The following SLC1A7 variants were observed in gnomAD, a reference collection of about 807,000 sequenced individuals.
SLC1A7 encodes the protein excitatory amino acid transporter 5.
Under a neutral mutation model 47.7 loss-of-function variants are expected in SLC1A7, and 40 were observed. The ratio of observed to expected loss-of-function variants is 0.84; its 90% CI spans 0.65 to 1.09. SLC1A7 has a LOEUF of 1.09. SLC1A7 is among the 50% of genes least tolerant of loss of function. The pLI is 0.00. For synonymous variants in SLC1A7, 323 were observed against 325.6 expected, an observed-to-expected ratio of 0.99 and a Z score of 0.09; for missense variants, 746 against 769.5, an observed-to-expected ratio of 0.97 and a Z score of 0.36.
chr1:53,093,319 C>T (rs1572295641), intron 6 of SLC1A7, 142 bp downstream of exon 6: 7 of 682,166 alleles, frequency 1.0e-5, no homozygotes, highest in Non-Finnish European at 1.7e-5. Flanking sequence ...CATGGAAACA[C>T]ATGTAGCTCC....
intron 5 of SLC1A7, 24 bp downstream of exon 5, chr1:53,103,318 CACTG>C: frequency 6.5e-7 from 1 of 1,529,754 alleles, no homozygotes; most frequent in Non-Finnish European, 8.9e-7. Flanking sequence ...GGCTCCACGG[CACTG>C]CTGGGCAGGT....
At chr1:53,098,929 C>A (rs1211414520) in intron 5 of SLC1A7, among the ~76,000 whole-genome samples, 1 of 151,098 alleles carries the variant, frequency 6.6e-6, no homozygotes, top group East Asian at 2.0e-4. Context: ...CCTCATTACA[C>A]TCACACTGCC....
At chr1:53,104,827 T>A (rs574356068) in intron 4 of SLC1A7, among the ~76,000 whole-genome samples, 26 of 152,188 alleles carry the variant, frequency 1.7e-4, no homozygotes, top group South Asian at 1.5e-3. Context: ...CAGCTGACAG[T>A]TTAGAAAGGG....
chr1:53,096,640 C>T lies in SLC1A7; in HGVS notation c.698-3080G>A, dbSNP rs116871597. 7.3e-4 allele frequency among the ~76,000 whole-genome samples: 110 copies of T among 150,936 alleles called. 1 individual carries two copies. In the East Asian group the frequency reaches 8.1e-3, roughly 11 times the overall value. Reference sequence around the variant, plus strand: ...CACCACTTCAGTACACATACCACTTCGGTACACTCACACATCCACACACAC... The same window carrying T: ...CACCACTTCAGTACACATACCACTTTGGTACACTCACACATCCACACACAC... On this transcript the variant is annotated intron_variant, in intron 5 of 10. Transcript: ENST00000371494.
intron 3 of SLC1A7, among the ~76,000 whole-genome samples, chr1:53,106,654 A>G (rs1644645934): frequency 6.6e-6 from 1 of 151,948 alleles, no homozygotes; most frequent in African/African-American, 2.4e-5. Context: ...CAGTCGATGG[A>G]AAAGTCCATG....
intron 8 of SLC1A7, 165 bp downstream of exon 8, chr1:53,090,447 T>C: frequency 1.8e-6 from 2 of 1,141,590 alleles, no homozygotes; most frequent in East Asian, 2.7e-5. Context: ...ATGCCCTCCC[T>C]CCCGGGCTGT....
intron 1 of SLC1A7, among the ~76,000 whole-genome samples, chr1:53,141,159 A>G (rs1457371136): frequency 6.6e-6 from 1 of 152,088 alleles, no homozygotes; most frequent in African/African-American, 2.4e-5. Flanking sequence ...AGCTGTAGCA[A>G]AAGTCCTGCC....
At chr1:53,126,781 G>T (rs577529922) in intron 2 of SLC1A7, among the ~76,000 whole-genome samples, 15 of 152,324 alleles carry the variant, frequency 9.8e-5, no homozygotes, top group Admixed American at 2.6e-4. Flanking sequence ...TTGTAGAGAA[G>T]AAATCACAGT....
intron 7 of SLC1A7, among the ~76,000 whole-genome samples, chr1:53,091,356 G>T (rs994702153): frequency 6.6e-6 from 1 of 152,184 alleles, no homozygotes; most frequent in Non-Finnish European, 1.5e-5. Context: ...GGCCGGTGTG[G>T]CCCCTGTGTC....
In SLC1A7 at chr1:53,088,219, C is replaced by A. The variant is rs747103288; in HGVS notation, c.1473G>T (p.Leu491=). Residue 491 remains leucine, a synonymous_variant, in exon 11 of 11, where the codon CTG becomes CTT. Coordinates refer to ENST00000371494, the MANE Select transcript of SLC1A7 (RefSeq NM_006671.6). ...FARDTGTEKL[L]PCETKPVSLQ... Reference sequence around the variant, plus strand: ...GGCTCACTGGCTTGGTCTCGCAGGGCAGCAGTTTCTGGTGAAGGGAAACAG... The same window carrying A: ...GGCTCACTGGCTTGGTCTCGCAGGGAAGCAGTTTCTGGTGAAGGGAAACAG... 7.5e-6 allele frequency: 12 copies of A among 1,606,730 alleles called. No individual in the cohort carries two copies. The highest frequency in any genetic ancestry group is 9.4e-6 in the Non-Finnish European group (11 of 1,176,020).
chr1:53,092,837 C>G lies in SLC1A7; in HGVS notation c.798-50G>C, dbSNP rs752518199. ...TCAGGAACCAGGCAGGCAGACACAC[C>G]CCGGCCCCAGCCCCGCATCGCTGCG... On this transcript the variant is annotated intron_variant, in intron 6 of 10. Coordinates refer to ENST00000371494, the MANE Select transcript of SLC1A7 (RefSeq NM_006671.6). 5.6e-6 allele frequency: 7 copies of G among 1,239,776 alleles called. No individual in the cohort carries two copies. In the East Asian group the frequency reaches 1.6e-4, roughly 29 times the overall value. The allele number at this position is 1,239,776 out of a possible 1,614,324, so 76.8% of individuals were successfully genotyped here. A position where few individuals can be genotyped will look rare whatever the true frequency, so the allele number is the denominator to read the frequency against.
intron 3 of SLC1A7, chr1:53,108,728 G>A (rs1418351336): frequency 1.1e-5 from 8 of 709,296 alleles, no homozygotes; most frequent in Admixed American, 2.0e-5. Flanking sequence ...ACGGCACACA[G>A]GAGGGCAGGG....
chr1:53,136,642 CAT>C (rs1356035272), intron 1 of SLC1A7, among the ~76,000 whole-genome samples: 2 of 84,542 alleles, frequency 2.4e-5, no homozygotes, highest in Admixed American at 1.6e-4. Context: ...TATATAAAAA[CAT>C]ATATATATTA....
At chr1:53,125,952 T>C (rs1256698752) in intron 2 of SLC1A7, among the ~76,000 whole-genome samples, 1 of 152,216 alleles carries the variant, frequency 6.6e-6, no homozygotes, top group African/African-American at 2.4e-5. Flanking sequence ...AGTAGGACCA[T>C]ATTCAGTGTA....
rs564953987 is a variant in SLC1A7 at position 53,098,518 on chromosome 1, C to T, written c.697+4828G>A. Among the ~76,000 whole-genome samples, 129 of 148,800 alleles carry T rather than the reference C, an allele frequency of 8.7e-4. 1 individual carries two copies. Among genetic ancestry groups the T allele is most frequent in the African/African-American group, 2.8e-3 (113 of 40,212 alleles). On this transcript the variant is annotated intron_variant, in intron 5 of 10. Coordinates refer to ENST00000371494, the MANE Select transcript of SLC1A7 (RefSeq NM_006671.6). ...TTGTTACACTCAAACTGCCTCAGAA[C>T]ACTCATATGCCCTGCCTCAGTACAC...
chr1:53,090,851 A>ATGGCTG, intron 7 of SLC1A7, 45 bp from the exon 8 acceptor site: 2 of 1,570,186 alleles, frequency 1.3e-6, no homozygotes, highest in Middle Eastern at 3.3e-4. Flanking sequence ...CTCCTCCAGG[A>ATGGCTG]TGGCTGGGGC....
intron 2 of SLC1A7, among the ~76,000 whole-genome samples, chr1:53,117,694 G>T (rs1396343672): frequency 6.6e-6 from 1 of 152,234 alleles, no homozygotes; most frequent in Non-Finnish European, 1.5e-5. Flanking sequence ...GTGGAGTGGG[G>T]TGCAGGTGAG....
intron 2 of SLC1A7, among the ~76,000 whole-genome samples, chr1:53,121,910 C>T (rs1284654506): frequency 6.6e-6 from 1 of 151,884 alleles, no homozygotes; most frequent in Admixed American, 6.6e-5. Flanking sequence ...TGCAGACCTG[C>T]TTTGACTCAT....
intron 3 of SLC1A7, among the ~76,000 whole-genome samples, chr1:53,112,353 T>C (rs1644709039): frequency 6.6e-6 from 1 of 152,240 alleles, no homozygotes; most frequent in East Asian, 1.9e-4. Context: ...TGTTCCCCAG[T>C]TGAGCCACCA....
Sources: gnomAD v4.1 joint callset for allele counts (sites outside exome capture counted in the v4.1 genomes callset) on GRCh38, gnomAD v4.1.1 for gene constraint, MANE v1.5 for transcripts, NCBI Gene and HGNC (gene_info 2026-07-23, HGNC 2026-07-21) for gene names.